NEXMIF: variants seen among roughly 807,000 people sequenced by gnomAD.
NEXMIF encodes the protein XLMR protein related to neurite extension.
Under a neutral mutation model 62.1 loss-of-function variants are expected in NEXMIF, and 8 were observed. The ratio of observed to expected loss-of-function variants is 0.13; its 90% confidence interval spans 0.08 to 0.23. The LOEUF is 0.23. NEXMIF is among the 10% of genes least tolerant of loss of function. The pLI, the probability that NEXMIF is intolerant of heterozygous loss-of-function variation, is 1.00. For synonymous variants in NEXMIF, 404 were observed against 416.6 expected (o/e 0.97, Z 0.37); for missense variants, 976 against 1,113.3 (o/e 0.88, Z 1.75).
At chrX:74,923,456 T>C (rs1017956299) in intron 1 of NEXMIF, among the ~76,000 whole-genome samples, 7 of 112,386 alleles carry the variant, frequency 6.2e-5, no homozygotes, top group Non-Finnish European at 1.3e-4. Context: ...AGTTAATATG[T>C]AAAATGACAG....
chrX:74,796,266 ATATATATACATATATATTATATATAT>A (rs1262090379), intron 1 of NEXMIF, among the ~76,000 whole-genome samples: 3 of 50,556 alleles, frequency 5.9e-5, no homozygotes, highest in Admixed American at 3.9e-4. Flanking sequence ...TATATATATT[ATATATATACATATATATTATATATAT>A]TATATATATA....
At chrX:74,784,193 G>C (rs1160575103) in intron 1 of NEXMIF, among the ~76,000 whole-genome samples, 2 of 111,439 alleles carry the variant, frequency 1.8e-5, no homozygotes, top group Admixed American at 1.9e-4. Context: ...TCTTTCATTG[G>C]GACTTGCTCA....
chrX:74,867,049 G>C (rs1004451184), intron 1 of NEXMIF, among the ~76,000 whole-genome samples: 2 of 111,599 alleles, frequency 1.8e-5, no homozygotes, highest in African/African-American at 6.5e-5. Flanking sequence ...ACAGAGAATA[G>C]AATACCTAGG....
At chrX:74,807,572 C>T (rs1427956558) in intron 1 of NEXMIF, among the ~76,000 whole-genome samples, 2 of 111,175 alleles carry the variant, frequency 1.8e-5, no homozygotes, top group Non-Finnish European at 3.8e-5. Context: ...AAGCGATTCT[C>T]CTGCCTCGGC....
At chrX:74,900,364 T>C (rs1569365693) in intron 1 of NEXMIF, among the ~76,000 whole-genome samples, 1 of 105,173 alleles carries the variant, frequency 9.5e-6, no homozygotes, top group Non-Finnish European at 1.9e-5. Context: ...CTCGGGAGGC[T>C]GAGGCAGGGG....
At chrX:74,872,576 AGTAAATATT>A (rs1366442104) in intron 1 of NEXMIF, among the ~76,000 whole-genome samples, 1 of 109,839 alleles carries the variant, frequency 9.1e-6, no homozygotes, top group African/African-American at 3.3e-5. Flanking sequence ...TAGTAAATAT[AGTAAATATT>A]GTGACTGTAG....
chrX:74,886,246 G>T (rs940035448), intron 1 of NEXMIF, among the ~76,000 whole-genome samples: 13 of 111,674 alleles, frequency 1.2e-4, no homozygotes, highest in African/African-American at 4.2e-4. Context: ...CACAAGACAG[G>T]GATGCCCTCT....
chrX:74,838,478 T>G (rs1409778202), intron 1 of NEXMIF, among the ~76,000 whole-genome samples: 4 of 112,480 alleles, frequency 3.6e-5, no homozygotes, highest in Non-Finnish European at 7.5e-5. Context: ...ATAATATCTT[T>G]TGATTACCAT....
intron 1 of NEXMIF, among the ~76,000 whole-genome samples, chrX:74,907,159 A>G (rs1052539977): frequency 7.1e-5 from 8 of 111,908 alleles, no homozygotes; most frequent in Non-Finnish European, 1.1e-4. Context: ...TAGCCACACA[A>G]TACACCAGGA....
intron 1 of NEXMIF, among the ~76,000 whole-genome samples, chrX:74,863,373 A>T (rs2080565157): frequency 9.0e-6 from 1 of 111,258 alleles, no homozygotes; most frequent in Non-Finnish European, 1.9e-5. Context: ...AATAAAATAG[A>T]TAGACCTCTA....
At chrX:74,813,820 C>G (rs1036513892) in intron 1 of NEXMIF, among the ~76,000 whole-genome samples, 1 of 112,044 alleles carries the variant, frequency 8.9e-6, no homozygotes, top group Non-Finnish European at 1.9e-5. Context: ...TAAGCTAAAG[C>G]TTTTCATGCA....
chrX:74,740,017 G>A (rs937904547), intron 3 of NEXMIF, 83 bp downstream of exon 3: 21 of 931,562 alleles, frequency 2.3e-5, no homozygotes, highest in South Asian at 5.0e-5. Context: ...GCTTTCAAGA[G>A]GGAAAAAATG....
At chrX:74,919,170 C>T (rs1472974213) in intron 1 of NEXMIF, among the ~76,000 whole-genome samples, 1 of 111,631 alleles carries the variant, frequency 9.0e-6, no homozygotes, top group Admixed American at 9.5e-5. Context: ...GTTAGAGCAG[C>T]CATTTTCCAG....
intron 1 of NEXMIF, among the ~76,000 whole-genome samples, chrX:74,782,385 C>T (rs1054016001): frequency 9.0e-6 from 1 of 111,680 alleles, no homozygotes; most frequent in African/African-American, 3.3e-5. Flanking sequence ...ATATACTTCA[C>T]ATTCAGAGTT....
intron 1 of NEXMIF, among the ~76,000 whole-genome samples, chrX:74,769,173 G>A (rs2080202885): frequency 9.1e-6 from 1 of 110,218 alleles, no homozygotes. Context: ...AGGAAGATGA[G>A]GGTTCATGCC....
At chrX:74,915,303 A>T (rs2080802931) in intron 1 of NEXMIF, among the ~76,000 whole-genome samples, 1 of 112,044 alleles carries the variant, frequency 8.9e-6, no homozygotes, top group Admixed American at 9.5e-5. Context: ...AAACACAAAT[A>T]TACACATGTG....
At chrX:74,881,982 G>T (rs2080666507) in intron 1 of NEXMIF, among the ~76,000 whole-genome samples, 1 of 111,442 alleles carries the variant, frequency 9.0e-6, no homozygotes, top group Non-Finnish European at 1.9e-5. Context: ...CCCATGTAGT[G>T]TTCAAACACA....
chrX:74,817,903 G>T (rs1848271974), intron 1 of NEXMIF, among the ~76,000 whole-genome samples: 1 of 110,805 alleles, frequency 9.0e-6, no homozygotes, highest in African/African-American at 3.3e-5. Context: ...TAACCAAAGA[G>T]GTTGAAGATC....
intron 1 of NEXMIF, among the ~76,000 whole-genome samples, chrX:74,862,427 C>A (rs2080561267): frequency 9.1e-6 from 1 of 110,048 alleles, no homozygotes; most frequent in Non-Finnish European, 1.9e-5. Context: ...ATTATACAGA[C>A]CATCGAGACA....
Sources: gnomAD v4.1 joint callset for allele counts (sites outside exome capture counted in the v4.1 genomes callset) on GRCh38, gnomAD v4.1.1 for gene constraint, MANE v1.5 for transcripts, NCBI Gene and HGNC (gene_info 2026-07-23, HGNC 2026-07-21) for gene names.